The following TRPC4 variants were observed in gnomAD, a reference collection of about 807,000 sequenced individuals.
TRPC4 encodes transient receptor potential cation channel subfamily C member 4, also known as short transient receptor potential channel 4.
TRPC4 carries 49 observed loss-of-function variants against 99.4 expected under a neutral mutation model. The observed-to-expected ratio is 0.49, with a 90% CI of 0.39 to 0.63. The LOEUF is 0.63. Among genes scored for constraint, TRPC4 ranks in the 20% least tolerant of loss-of-function variants. The pLI, the probability that TRPC4 is intolerant of heterozygous loss-of-function variation, is 0.00. For synonymous variants in TRPC4, 454 were observed against 425.9 expected (o/e 1.07, Z -0.81); for missense variants, 898 against 1,152.9 (o/e 0.78, Z 3.20).
At chr13:37,706,996 G>A (rs1029938881) in intron 3 of TRPC4, among the ~76,000 whole-genome samples, 10 of 152,004 alleles carry the variant, frequency 6.6e-5, no homozygotes, top group African/African-American at 2.4e-4. Flanking sequence ...TGTGTAAACA[G>A]ACATATGCAT....
chr13:37,707,226 A>C (rs1954311569), intron 3 of TRPC4, among the ~76,000 whole-genome samples: 1 of 152,192 alleles, frequency 6.6e-6, no homozygotes, highest in African/African-American at 2.4e-5. Flanking sequence ...TAAAATTTGA[A>C]ACATTGCAAA....
At position 37,692,109 on chromosome 13, in the gene TRPC4, G is replaced by T; in HGVS notation, c.1124C>A (p.Thr375Asn). Residue 375 changes from threonine to asparagine, a missense_variant, in exon 4 of 11, where the codon ACT (threonine) becomes AAT (asparagine). By Grantham distance (65) the Thr-to-Asn change is moderately conservative (BLOSUM62 0). Around this residue, in one of 3 missense-constraint regions of TRPC4, gnomAD observed 274 missense variants for 454.9 expected, o/e 0.60. Transcript: ENST00000379705. ...GGCAAGCAGCAGCAGGAACAAAAAA[G>T]TCAAATAGGAGGCTGTGTGGCAGAT... ...KFICHTASYL[T>N]FLFLLLLASQ... The T allele has an allele frequency of 6.2e-7, 1 of 1,614,160 alleles. No individual in the cohort carries two copies. Among genetic ancestry groups the T allele is most frequent in the Non-Finnish European group, 8.5e-7 (1 of 1,180,032 alleles).
chr13:37,720,005 G>A (rs370550552), intron 3 of TRPC4, among the ~76,000 whole-genome samples: 2 of 152,174 alleles, frequency 1.3e-5, no homozygotes, highest in East Asian at 3.9e-4. Flanking sequence ...ATGGAAGAAG[G>A]AGGCAGCAGG....
chr13:37,848,961 C>G lies in TRPC4; in HGVS notation c.-28+20634G>C, dbSNP rs151190527. ...AACTATCTTGAGTATAGATAATATG[C>G]CTAAAGTCCTGCAGATGGTACCCTA... On this transcript the variant is annotated intron_variant, in intron 1 of 10. Coordinates refer to ENST00000379705, the MANE Select transcript of TRPC4 (RefSeq NM_016179.4). 3.1e-3 allele frequency among the ~76,000 whole-genome samples: 475 copies of G among 152,180 alleles called. 3 individuals carry two copies. Among genetic ancestry groups the G allele is most frequent in the African/African-American group, 0.011 (454 of 41,540 alleles).
chr13:37,863,958 G>A (rs548603532), intron 1 of TRPC4, among the ~76,000 whole-genome samples: 11 of 151,658 alleles, frequency 7.3e-5, no homozygotes, highest in African/African-American at 4.8e-5. Context: ...CTATGATCCC[G>A]GTATGCAAAT....
intron 1 of TRPC4, among the ~76,000 whole-genome samples, chr13:37,861,421 G>C (rs1415794913): frequency 6.6e-6 from 1 of 151,514 alleles, no homozygotes; most frequent in South Asian, 2.1e-4. Context: ...TGTAGTAACT[G>C]ATAAGAAAGT....
At chr13:37,654,388 G>A (rs567525566) in intron 7 of TRPC4, among the ~76,000 whole-genome samples, 1 of 152,152 alleles carries the variant, frequency 6.6e-6, no homozygotes, top group African/African-American at 2.4e-5. Flanking sequence ...GGTCCTAGAC[G>A]TATATCACTA....
chr13:37,642,925 T>C, intron 8 of TRPC4, among the ~76,000 whole-genome samples: 1 of 151,856 alleles, frequency 6.6e-6, no homozygotes, highest in East Asian at 1.9e-4. Context: ...GAGACGGGGG[T>C]TTCACCATGT....
intron 3 of TRPC4, among the ~76,000 whole-genome samples, chr13:37,744,353 T>G (rs1955679392): frequency 6.6e-6 from 1 of 152,208 alleles, no homozygotes; most frequent in Non-Finnish European, 1.5e-5. Context: ...TACTCTAGTT[T>G]CTTTAAAATA....
At chr13:37,792,205 T>C (rs1194771668) in intron 1 of TRPC4, among the ~76,000 whole-genome samples, 1 of 152,146 alleles carries the variant, frequency 6.6e-6, no homozygotes, top group Non-Finnish European at 1.5e-5. Context: ...ACCCCTAAGA[T>C]TAAGATGCCA....
chr13:37,769,010 T>A (rs1956471250), intron 2 of TRPC4, among the ~76,000 whole-genome samples: 1 of 151,544 alleles, frequency 6.6e-6, no homozygotes, highest in African/African-American at 2.4e-5. Flanking sequence ...ATTTTTTGGG[T>A]AACTTTTAAT....
At chr13:37,792,768 T>C (rs1957155121) in intron 1 of TRPC4, among the ~76,000 whole-genome samples, 1 of 137,440 alleles carries the variant, frequency 7.3e-6, no homozygotes, top group Non-Finnish European at 1.7e-5. Flanking sequence ...TGTACGTGGA[T>C]GTGCAAACAA....
intron 4 of TRPC4, among the ~76,000 whole-genome samples, chr13:37,682,794 A>G (rs999395434): frequency 1.3e-5 from 2 of 152,088 alleles, no homozygotes; most frequent in African/African-American, 4.8e-5. Flanking sequence ...CCTGTTTCCC[A>G]GGCTGCAGTG....
At position 37,816,919 on chromosome 13, in the gene TRPC4, C is replaced by T. The variant is rs117611209; in HGVS notation, c.-27-33559G>A. Reference sequence around the variant, plus strand: ...TGACAAACCCATAACCCACATATTACTAAATGGCACAAGCTGGAAACATGC... The same window carrying T: ...TGACAAACCCATAACCCACATATTATTAAATGGCACAAGCTGGAAACATGC... On this transcript the variant is annotated intron_variant, in intron 1 of 10. Transcript: ENST00000379705. Among the ~76,000 whole-genome samples, 440 of 152,002 alleles carry T rather than the reference C, an allele frequency of 2.9e-3. 1 individual carries two copies. Among genetic ancestry groups the T allele is most frequent in the Non-Finnish European group, 4.2e-3 (288 of 67,906 alleles).
chr13:37,840,543 T>C (rs1052360219), intron 1 of TRPC4, among the ~76,000 whole-genome samples: 1 of 152,038 alleles, frequency 6.6e-6, no homozygotes, highest in Non-Finnish European at 1.5e-5. Flanking sequence ...ATAATTATTT[T>C]AGTATTAACT....
intron 1 of TRPC4, among the ~76,000 whole-genome samples, chr13:37,792,879 T>G (rs1431235347): frequency 6.6e-6 from 1 of 152,132 alleles, no homozygotes; most frequent in East Asian, 1.9e-4. Context: ...ATTAGGAGAT[T>G]ATTGCAAATG....
intron 2 of TRPC4, among the ~76,000 whole-genome samples, chr13:37,777,768 T>G (rs1161479333): frequency 6.6e-6 from 1 of 151,998 alleles, no homozygotes; most frequent in African/African-American, 2.4e-5. Context: ...TTTACAGAAT[T>G]TGAACATCAC....
intron 1 of TRPC4, among the ~76,000 whole-genome samples, chr13:37,828,171 C>G (rs1301476033): frequency 1.3e-5 from 2 of 152,190 alleles, no homozygotes; most frequent in Non-Finnish European, 2.9e-5. Flanking sequence ...CACCCACTGT[C>G]TGGCACTCCC....
chr13:37,727,601 A>G (rs1955105606), intron 3 of TRPC4, among the ~76,000 whole-genome samples: 1 of 152,012 alleles, frequency 6.6e-6, no homozygotes, highest in African/African-American at 2.4e-5. Context: ...AACAGAGACA[A>G]TCAATGAGAC....
Sources: allele counts gnomAD v4.1 joint callset (sites outside exome capture counted in the v4.1 genomes callset), GRCh38; gene constraint gnomAD v4.1.1; regional missense constraint gnomAD v4.1.1; transcripts MANE v1.5; gene names NCBI Gene and HGNC (gene_info 2026-07-23, HGNC 2026-07-21).